Variants in USP13 observed in about 807,000 individuals in gnomAD.
The protein encoded by USP13 is ubiquitin specific peptidase 13, also known as ubiquitin carboxyl-terminal hydrolase 13.
In USP13, 68 loss-of-function variants were observed where a neutral mutation model predicts 107.8. That is an observed-to-expected ratio of 0.63 (90% confidence interval 0.52 to 0.77). The LOEUF is 0.77. USP13 is among the 30% of genes least tolerant of loss of function. USP13 has a pLI of 0.00. For missense variants in USP13, 945 were observed against 1,093.3 expected, an observed-to-expected ratio of 0.86 and a Z score of 1.91; for synonymous variants, 377 against 389.5, an observed-to-expected ratio of 0.97 and a Z score of 0.38.
rs1454654920 is a variant in USP13 at position 179,742,198 on chromosome 3, G to A, written c.1382G>A (p.Arg461Lys). ...AACCTGATACAATCCATCCTTCAGA[G>A]GAACCGCATCGGCTCAGAAAACCCA... ...FFLHLVNLVE[R>K]NRIGSENPSD... The change falls in exon 12 of 21, where the codon AGG (arginine) becomes AAG (lysine). Residue 461 changes from arginine to lysine, a missense_variant and splice_region_variant. Physicochemically the swap from Arg to Lys is conservative, Grantham distance 26. Coordinates refer to ENST00000263966, the MANE Select transcript of USP13 (RefSeq NM_003940.3). The surrounding 1 kb of genome is among the most constrained non-coding windows in gnomAD (Gnocchi z 5.0). 1.2e-6 allele frequency: 2 copies of A among 1,614,210 alleles called. No homozygotes were observed. Among genetic ancestry groups the A allele is most frequent in the Admixed American group, 1.7e-5 (1 of 60,022 alleles).
intron 19 of USP13, among the ~76,000 whole-genome samples, chr3:179,768,944 A>T (rs1715261658): frequency 1.3e-5 from 2 of 152,230 alleles, no homozygotes; most frequent in African/African-American, 2.4e-5. Context: ...AAGGATATAT[A>T]TTAATTTTAG....
At chr3:179,685,648 G>GA (rs1249137112) in intron 2 of USP13, among the ~76,000 whole-genome samples, 2 of 145,322 alleles carry the variant, frequency 1.4e-5, no homozygotes, top group African/African-American at 5.1e-5. Context: ...AAAAAAAAAA[G>GA]AAAGAAACAG....
At chr3:179,710,586 A>G (rs1712887859) in intron 6 of USP13, among the ~76,000 whole-genome samples, 1 of 152,218 alleles carries the variant, frequency 6.6e-6, no homozygotes, top group African/African-American at 2.4e-5. Flanking sequence ...TGTCTTAGGC[A>G]CAAATACTTT....
Position 179,784,244 on chromosome 3 carries a change from T to A in USP13, c.*103T>A. ...TGAAACAACTAGACATGAAGGAATA[T>A]ATGGGGTATTTATCGTTTATTTAAA... On this transcript the variant is annotated 3_prime_UTR_variant, in exon 21 of 21. Transcript: ENST00000263966. The A allele has an allele frequency of 2.4e-6, 2 of 825,518 alleles. No homozygotes were observed. Among genetic ancestry groups the A allele is most frequent in the Non-Finnish European group, 3.9e-6 (2 of 510,776 alleles). 51.1% of individuals were successfully genotyped at this position (825,518 alleles called of 1,614,324 possible).
intron 19 of USP13, among the ~76,000 whole-genome samples, chr3:179,774,556 C>G (rs1262222038): frequency 6.6e-6 from 1 of 151,788 alleles, no homozygotes; most frequent in Non-Finnish European, 1.5e-5. Context: ...GCTCATTCCT[C>G]CCTGTGGGTT....
intron 19 of USP13, among the ~76,000 whole-genome samples, chr3:179,769,538 A>G (rs1167421323): frequency 6.6e-6 from 1 of 152,108 alleles, no homozygotes; most frequent in East Asian, 1.9e-4. Flanking sequence ...CTCTCGAGTA[A>G]CTGGCATTAC....
intron 1 of USP13, among the ~76,000 whole-genome samples, chr3:179,657,548 A>G (rs1720303764): frequency 1.3e-5 from 2 of 151,992 alleles, no homozygotes; most frequent in African/African-American, 4.8e-5. Context: ...AGATCACAAC[A>G]TCAAGAGATC....
At chr3:179,697,276 T>C (rs1712360147) in intron 3 of USP13, among the ~76,000 whole-genome samples, 1 of 152,240 alleles carries the variant, frequency 6.6e-6, no homozygotes. Flanking sequence ...TTTTGCTATT[T>C]CTTTCTGAAG....
intron 6 of USP13, among the ~76,000 whole-genome samples, chr3:179,711,959 C>T (rs1041862285): frequency 2.3e-4 from 35 of 152,186 alleles, no homozygotes; most frequent in African/African-American, 8.4e-4. Flanking sequence ...ACACCAGCAT[C>T]ACTACAAGCA....
At chr3:179,744,981 G>T (rs959461302) in intron 12 of USP13, 62 bp from the exon 13 acceptor site, 2 of 1,594,622 alleles carry the variant, frequency 1.3e-6, no homozygotes. Flanking sequence ...TCCAAAGAGG[G>T]TGCTTTTCAT....
intron 3 of USP13, among the ~76,000 whole-genome samples, chr3:179,692,970 C>T (rs1010370994): frequency 3.3e-5 from 5 of 152,260 alleles, no homozygotes; most frequent in African/African-American, 1.2e-4. Context: ...TCTCTGTATT[C>T]AGGCAAGATT....
At chr3:179,660,545 G>T (rs1720427604) in intron 1 of USP13, among the ~76,000 whole-genome samples, 1 of 152,130 alleles carries the variant, frequency 6.6e-6, no homozygotes, top group African/African-American at 2.4e-5. Context: ...ATGGACATCG[G>T]GTTGTTTCTA....
intron 1 of USP13, among the ~76,000 whole-genome samples, chr3:179,654,456 G>A (rs1331996818): frequency 3.9e-5 from 6 of 152,182 alleles, no homozygotes; most frequent in Non-Finnish European, 7.3e-5. Context: ...GCGGTTGGTG[G>A]TGGTTTTCAC....
At chr3:179,762,193 G>A (rs1014781058) in intron 17 of USP13, among the ~76,000 whole-genome samples, 22 of 152,174 alleles carry the variant, frequency 1.4e-4, no homozygotes, top group African/African-American at 4.6e-4. Context: ...ATAAAAGGTC[G>A]TTTGTGTTTG....
rs74547975 is a variant in USP13 at position 179,734,988 on chromosome 3, T to C, written c.1254+4279T>C. Among the ~76,000 whole-genome samples, 414 of 152,316 alleles carry C rather than the reference T, an allele frequency of 2.7e-3. 2 individuals carry two copies. Among genetic ancestry groups the C allele is most frequent in the African/African-American group, 9.6e-3 (398 of 41,580 alleles). On this transcript the variant is annotated intron_variant, in intron 10 of 20. Coordinates refer to ENST00000263966, the MANE Select transcript of USP13 (RefSeq NM_003940.3). ...GCACTCTGTTAAACAGAAAGTCCTG[T>C]GTAAGCATTTGGGAGAGATTCTGAA...
Position 179,725,301 on chromosome 3 carries a change from T to A in USP13, c.1088+3712T>A, listed in dbSNP as rs188636956. 3.2e-3 allele frequency among the ~76,000 whole-genome samples: 495 copies of A among 152,340 alleles called. 1 individual carries two copies. Among genetic ancestry groups the A allele is most frequent in the Middle Eastern group, 0.01 (3 of 294 alleles). Reference sequence around the variant, plus strand: ...TTAGTGTTCATCTTTCCAGTGAGTTTTTTTTTGTCTTGTCAAGTTTTGAGA... The same window carrying A: ...TTAGTGTTCATCTTTCCAGTGAGTTATTTTTTGTCTTGTCAAGTTTTGAGA... On this transcript the variant is annotated intron_variant, in intron 8 of 20. Coordinates refer to ENST00000263966, the MANE Select transcript of USP13 (RefSeq NM_003940.3).
intron 1 of USP13, among the ~76,000 whole-genome samples, chr3:179,660,955 C>A (rs1019858318): frequency 6.6e-6 from 1 of 152,012 alleles, no homozygotes; most frequent in African/African-American, 2.4e-5. Flanking sequence ...TTTTGAGAAC[C>A]GCAAAAAGCT....
chr3:179,670,463 A>G (rs1470423501), intron 1 of USP13, among the ~76,000 whole-genome samples: 1 of 151,954 alleles, frequency 6.6e-6, no homozygotes, highest in Non-Finnish European at 1.5e-5. Context: ...CTCCACATTG[A>G]GCATCCCCTT....
chr3:179,685,751 G>T (rs753486049), intron 2 of USP13, among the ~76,000 whole-genome samples: 1 of 151,976 alleles, frequency 6.6e-6, no homozygotes, highest in Non-Finnish European at 1.5e-5. Context: ...TCTGCCTCTG[G>T]AATTTTGAGT....
Sources: allele counts gnomAD v4.1 joint callset (sites outside exome capture counted in the v4.1 genomes callset), GRCh38; gene constraint gnomAD v4.1.1; non-coding constraint Gnocchi (gnomAD v3.1); transcripts MANE v1.5; gene names NCBI Gene and HGNC (gene_info 2026-07-23, HGNC 2026-07-21).